KSR2: variants seen among roughly 807,000 people sequenced by gnomAD.
KSR2 encodes kinase suppressor of ras 2.
Under a neutral mutation model 107.8 loss-of-function variants are expected in KSR2, and 25 were observed. The observed-to-expected ratio is 0.23, with a 90% CI of 0.17 to 0.32. The LOEUF is 0.32. Among genes scored for constraint, KSR2 ranks in the 10% least tolerant of loss-of-function variants. The pLI, the probability that KSR2 is intolerant of heterozygous loss-of-function variation, is 1.00. For synonymous variants in KSR2, 480 were observed against 507.0 expected, an observed-to-expected ratio of 0.95 and a Z score of 0.71; for missense variants, 887 against 1,268.9, an observed-to-expected ratio of 0.70 and a Z score of 4.57.
At chr12:117,705,884 AC>A (rs1328917966) in intron 4 of KSR2, among the ~76,000 whole-genome samples, 1 of 151,894 alleles carries the variant, frequency 6.6e-6, no homozygotes, top group Admixed American at 6.6e-5. Flanking sequence ...CAGTATCGTC[AC>A]TCACCACTGT....
chr12:117,823,253 G>T (rs1428080844), intron 3 of KSR2, among the ~76,000 whole-genome samples: 1 of 152,108 alleles, frequency 6.6e-6, no homozygotes, highest in East Asian at 1.9e-4. Flanking sequence ...ATTTGCTTTG[G>T]GATTTTAAGA....
At chr12:117,859,142 T>G (rs1893198426) in intron 2 of KSR2, among the ~76,000 whole-genome samples, 1 of 104,584 alleles carries the variant, frequency 9.6e-6, no homozygotes, top group Non-Finnish European at 2.1e-5. Flanking sequence ...AGCTGAACTT[T>G]TTTTTTTTTT....
Position 117,494,766 on chromosome 12 carries a change from T to C in KSR2, c.2220-9075A>G, listed in dbSNP as rs114569993. 9.5e-3 allele frequency among the ~76,000 whole-genome samples: 1,442 copies of C among 152,276 alleles called. 25 individuals are homozygous for C. Among genetic ancestry groups the C allele is most frequent in the South Asian group, 0.029 (140 of 4,818 alleles). ...AGAGACTTATTGGATAGAGAGTAGA[T>C]GGAGTTGGGGGCATCTTTAGCCAGG... is the stretch of plus-strand genomic sequence containing the variant. On this transcript the variant is annotated intron_variant, in intron 14 of 19. Coordinates refer to ENST00000339824, the MANE Select transcript of KSR2 (RefSeq NM_173598.6).
chr12:117,927,170 G>A (rs117472819), intron 1 of KSR2, among the ~76,000 whole-genome samples: 1,787 of 152,178 alleles, frequency 0.012, 22 homozygotes, highest in Non-Finnish European at 0.017. Context: ...GAGGTCAGAA[G>A]TTTGCAACCA....
At chr12:117,825,399 C>G (rs898178396) in intron 3 of KSR2, among the ~76,000 whole-genome samples, 1 of 152,046 alleles carries the variant, frequency 6.6e-6, no homozygotes, top group South Asian at 2.1e-4. Context: ...GTGCATGGGT[C>G]GGGGCATAAA....
chr12:117,950,898 C>T (rs1219255128), intron 1 of KSR2, among the ~76,000 whole-genome samples: 1 of 151,376 alleles, frequency 6.6e-6, no homozygotes, highest in East Asian at 1.9e-4. Context: ...TGCCAACCAG[C>T]GGTTCTTCTT....
At chr12:117,562,792 TC>T (rs1207130942) in intron 7 of KSR2, among the ~76,000 whole-genome samples, 8 of 152,200 alleles carry the variant, frequency 5.3e-5, no homozygotes, top group Non-Finnish European at 1.0e-4. Context: ...GACCGAACAC[TC>T]TTCCTTCCAG....
chr12:117,475,928 C>G (rs748478747), intron 17 of KSR2, among the ~76,000 whole-genome samples: 4 of 152,208 alleles, frequency 2.6e-5, no homozygotes, highest in Admixed American at 6.5e-5. Flanking sequence ...CTCCTTCCAA[C>G]AGCTGTGTGA....
Position 117,794,800 on chromosome 12 carries a change from C to T in KSR2, c.473-33276G>A, listed in dbSNP as rs140124810. ...CACAGAATAGTCACTTTAAATAGGA[C>T]GGGGAAATATACCAACTTTAATCAA... On this transcript the variant is annotated intron_variant, in intron 3 of 19. Transcript: ENST00000339824. Among the ~76,000 whole-genome samples, 1,346 of 152,032 alleles carry T rather than the reference C, an allele frequency of 8.9e-3. 20 individuals are homozygous for T. The highest frequency in any genetic ancestry group is 0.031 in the African/African-American group (1,267 of 41,418).
At chr12:117,804,121 C>A (rs1254966292) in intron 3 of KSR2, among the ~76,000 whole-genome samples, 1 of 152,206 alleles carries the variant, frequency 6.6e-6, no homozygotes, top group Non-Finnish European at 1.5e-5. Context: ...CGGCTCACTG[C>A]AACCTCTGCC....
At chr12:117,860,537 A>G (rs1453384033) in intron 1 of KSR2, 106 bp from the exon 2 acceptor site, 6 of 1,105,706 alleles carry the variant, frequency 5.4e-6, no homozygotes, top group East Asian at 5.2e-5. Flanking sequence ...AGCCAACTCT[A>G]TTTTAAAGAC....
intron 5 of KSR2, among the ~76,000 whole-genome samples, chr12:117,658,649 G>T (rs931727051): frequency 7.9e-5 from 12 of 152,232 alleles, no homozygotes; most frequent in Admixed American, 5.9e-4. Flanking sequence ...AACAAGACAT[G>T]GAAGATAGGG....
intron 7 of KSR2, among the ~76,000 whole-genome samples, chr12:117,574,367 T>C (rs1593008605): frequency 6.6e-6 from 1 of 152,172 alleles, no homozygotes; most frequent in Non-Finnish European, 1.5e-5. Flanking sequence ...TCAGCCTGCT[T>C]TCATGCTGCC....
chr12:117,670,695 T>C (rs1456876111), intron 4 of KSR2, among the ~76,000 whole-genome samples: 1 of 152,144 alleles, frequency 6.6e-6, no homozygotes, highest in African/African-American at 2.4e-5. Context: ...TATTTCCCTT[T>C]GCCCCCCTGT....
At chr12:117,522,449 A>G (rs537266789) in intron 14 of KSR2, among the ~76,000 whole-genome samples, 4 of 152,320 alleles carry the variant, frequency 2.6e-5, no homozygotes, top group African/African-American at 9.6e-5. Context: ...AGACTTGTGT[A>G]TCCCAAGTAA....
chr12:117,667,708 C>A (rs11068610), intron 4 of KSR2, 50 bp from the exon 5 acceptor site: 37,543 of 1,455,990 alleles, frequency 0.026, 1,130 homozygotes, highest in East Asian at 0.12. Flanking sequence ...CATAGGTGCA[C>A]AAAGTTACAG....
At chr12:117,898,745 C>CA (rs900713758) in intron 1 of KSR2, among the ~76,000 whole-genome samples, 1,550 of 143,666 alleles carry the variant, frequency 0.011, 27 homozygotes, top group African/African-American at 0.037. Flanking sequence ...ACTATTCAGC[C>CA]AAAAAAAAAA....
intron 15 of KSR2, 112 bp downstream of exon 15, chr12:117,485,483 T>C: frequency 1.3e-6 from 1 of 754,920 alleles, no homozygotes; most frequent in Admixed American, 2.3e-5. Context: ...AAGTCCAGAT[T>C]GGTAGTCTGA....
At chr12:117,608,030 T>C (rs986632889) in intron 5 of KSR2, among the ~76,000 whole-genome samples, 1 of 152,054 alleles carries the variant, frequency 6.6e-6, no homozygotes, top group African/African-American at 2.4e-5. Flanking sequence ...AACCACCCCT[T>C]GAGGGGAGGA....
Sources: allele counts gnomAD v4.1 joint callset (sites outside exome capture counted in the v4.1 genomes callset), GRCh38; gene constraint gnomAD v4.1.1; transcripts MANE v1.5; gene names NCBI Gene and HGNC (gene_info 2026-07-23, HGNC 2026-07-21).